Variants in TMEM135 observed in about 807,000 individuals in gnomAD.
TMEM135 encodes the protein peroxisomal membrane protein 52.
In TMEM135, 30 loss-of-function variants were observed where a neutral mutation model predicts 60.3. That is an observed-to-expected ratio of 0.50 (90% confidence interval 0.37 to 0.68). TMEM135 has a LOEUF of 0.68. TMEM135 is among the 30% of genes least tolerant of loss of function. The pLI is 0.00. For synonymous variants in TMEM135, 190 were observed against 186.7 expected, an observed-to-expected ratio of 1.02 and a Z score of -0.14; for missense variants, 468 against 548.8, an observed-to-expected ratio of 0.85 and a Z score of 1.47.
chr11:87,039,541 C>T (rs1949733228), intron 1 of TMEM135, among the ~76,000 whole-genome samples: 1 of 152,204 alleles, frequency 6.6e-6, no homozygotes, highest in African/African-American at 2.4e-5. Flanking sequence ...TTTCCACATT[C>T]ACTGTGGCCA....
intron 4 of TMEM135, among the ~76,000 whole-genome samples, chr11:87,101,778 C>A (rs921222924): frequency 2.0e-5 from 3 of 152,106 alleles, no homozygotes; most frequent in African/African-American, 7.2e-5. Context: ...AGTTCGAGAC[C>A]AGCCTGACCA....
chr11:87,186,060 C>A (rs1244305531), intron 5 of TMEM135, among the ~76,000 whole-genome samples: 2 of 152,106 alleles, frequency 1.3e-5, no homozygotes, highest in African/African-American at 2.4e-5. Flanking sequence ...GCATGTGCCA[C>A]TACATTCAGC....
intron 4 of TMEM135, among the ~76,000 whole-genome samples, chr11:87,141,276 T>C (rs576694058): frequency 6.6e-6 from 1 of 152,256 alleles, no homozygotes; most frequent in East Asian, 1.9e-4. Flanking sequence ...TTTTTCACTT[T>C]TTAGTGTTTA....
intron 5 of TMEM135, among the ~76,000 whole-genome samples, chr11:87,207,804 C>CA (rs1940270429): frequency 6.6e-6 from 1 of 152,194 alleles, no homozygotes; most frequent in African/African-American, 2.4e-5. Context: ...CACTTATGCC[C>CA]ATGCCTCCCC....
At chr11:87,087,176 C>A (rs945680864) in intron 3 of TMEM135, among the ~76,000 whole-genome samples, 2 of 151,820 alleles carry the variant, frequency 1.3e-5, no homozygotes, top group African/African-American at 4.8e-5. Flanking sequence ...GGGGTAAGAA[C>A]AGCTCAAAAA....
intron 6 of TMEM135, among the ~76,000 whole-genome samples, chr11:87,267,955 G>A (rs1359958716): frequency 1.3e-5 from 2 of 152,012 alleles, no homozygotes. Context: ...GCTTCCTAAA[G>A]TGTTGGGATT....
intron 4 of TMEM135, among the ~76,000 whole-genome samples, chr11:87,118,631 G>T (rs1462668415): frequency 1.3e-5 from 2 of 151,950 alleles, no homozygotes; most frequent in Admixed American, 6.6e-5. Context: ...TGTATTTTTA[G>T]TACAGATGGG....
At chr11:87,304,995 A>G (rs1590859855) in intron 8 of TMEM135, among the ~76,000 whole-genome samples, 1 of 152,220 alleles carries the variant, frequency 6.6e-6, no homozygotes, top group African/African-American at 2.4e-5. Context: ...AGAAATATTT[A>G]TTAAACACTG....
At chr11:87,231,825 A>G (rs1293148543) in intron 5 of TMEM135, among the ~76,000 whole-genome samples, 1 of 152,154 alleles carries the variant, frequency 6.6e-6, no homozygotes, top group African/African-American at 2.4e-5. Flanking sequence ...GATGAAAATT[A>G]AAATATGTGA....
intron 6 of TMEM135, 145 bp downstream of exon 6, chr11:87,236,829 G>A: frequency 1.4e-6 from 1 of 722,658 alleles, no homozygotes; most frequent in Non-Finnish European, 2.4e-6. Context: ...AGTGGACAGA[G>A]GTAAATCATT....
At chr11:87,219,405 C>G (rs1209789295) in intron 5 of TMEM135, among the ~76,000 whole-genome samples, 2 of 152,052 alleles carry the variant, frequency 1.3e-5, no homozygotes, top group African/African-American at 4.8e-5. Flanking sequence ...TTATGGACAG[C>G]AGCCTTCTTG....
At chr11:87,268,116 C>T (rs1941786537) in intron 6 of TMEM135, among the ~76,000 whole-genome samples, 1 of 143,276 alleles carries the variant, frequency 7.0e-6, no homozygotes, top group Admixed American at 7.0e-5. Context: ...GCCCGGCCCT[C>T]CCCTTCCCCC....
intron 4 of TMEM135, among the ~76,000 whole-genome samples, chr11:87,140,609 T>C (rs1159636434): frequency 6.6e-6 from 1 of 152,140 alleles, no homozygotes; most frequent in Non-Finnish European, 1.5e-5. Context: ...GATATATATT[T>C]TGGTGTGGGC....
chr11:87,101,304 A>T (rs1456798512), intron 4 of TMEM135, among the ~76,000 whole-genome samples: 4 of 152,210 alleles, frequency 2.6e-5, no homozygotes, highest in Non-Finnish European at 4.4e-5. Flanking sequence ...AAAAGAGAAC[A>T]CATAAGCAAA....
At chr11:87,284,105 A>C (rs1287777595) in intron 6 of TMEM135, among the ~76,000 whole-genome samples, 1 of 137,994 alleles carries the variant, frequency 7.2e-6, no homozygotes, top group Non-Finnish European at 1.6e-5. Context: ...GATTTACATG[A>C]AACATTATTT....
At chr11:87,102,704 GTATATATATGTA>G (rs1437955505) in intron 4 of TMEM135, among the ~76,000 whole-genome samples, 8 of 131,652 alleles carry the variant, frequency 6.1e-5, no homozygotes, top group African/African-American at 2.3e-4. Context: ...ATATATATAT[GTATATATATGTA>G]TATATATATA....
At chr11:87,114,583 C>T (rs528038464) in intron 4 of TMEM135, among the ~76,000 whole-genome samples, 5 of 152,156 alleles carry the variant, frequency 3.3e-5, no homozygotes, top group Admixed American at 6.5e-5. Context: ...CCTGTCATTA[C>T]ACTGATGTTC....
chr11:87,118,907 G>T (rs1446310929), intron 4 of TMEM135, among the ~76,000 whole-genome samples: 7 of 152,162 alleles, frequency 4.6e-5, no homozygotes, highest in Admixed American at 2.6e-4. Context: ...TTAGGGCCTT[G>T]CTCTGGATTA....
chr11:87,154,003 T>G (rs1938627429), intron 4 of TMEM135, among the ~76,000 whole-genome samples: 1 of 152,188 alleles, frequency 6.6e-6, no homozygotes, highest in African/African-American at 2.4e-5. Context: ...AAGTTTACTG[T>G]TTTGGCCATT....
Sources: allele counts gnomAD v4.1 joint callset (sites outside exome capture counted in the v4.1 genomes callset), GRCh38; gene constraint gnomAD v4.1.1; transcripts MANE v1.5; gene names NCBI Gene and HGNC (gene_info 2026-07-23, HGNC 2026-07-21).